TUT4: variants seen among roughly 807,000 people sequenced by gnomAD.
The protein encoded by TUT4 is terminal uridylyl transferase 4, also known as terminal uridylyltransferase 4.
TUT4 carries 36 observed loss-of-function variants against 192.2 expected under a neutral mutation model. The ratio of observed to expected loss-of-function variants is 0.19; its 90% CI spans 0.14 to 0.25. TUT4 has a LOEUF of 0.25. TUT4 is among the 10% of genes least tolerant of loss of function. TUT4 has a pLI of 1.00. For missense variants in TUT4, 1,493 were observed against 1,957.2 expected (o/e 0.76, Z 4.47); for synonymous variants, 618 against 666.0 (o/e 0.93, Z 1.11).
chr1:52,551,314 T>C (rs1689366033), intron 1 of TUT4, among the ~76,000 whole-genome samples: 1 of 152,216 alleles, frequency 6.6e-6, no homozygotes, highest in Non-Finnish European at 1.5e-5. Flanking sequence ...CTTCCATTTC[T>C]GAATTATTTT....
chr1:52,462,699 T>C lies in TUT4; in HGVS notation c.3070-930A>G, dbSNP rs948456884. The C allele has an allele frequency of 9.2e-6, 9 of 980,802 alleles. No homozygotes were observed. The Admixed American group carries it at 4.3e-4, about 47-fold the overall frequency. 60.8% of individuals were successfully genotyped at this position (980,802 alleles called of 1,614,324 possible). A position where few individuals can be genotyped will look rare whatever the true frequency, so the allele number is the denominator to read the frequency against. On this transcript the variant is annotated intron_variant, in intron 16 of 29. Coordinates refer to ENST00000257177, the MANE Select transcript of TUT4 (RefSeq NM_001009881.3). Reference sequence around the variant, plus strand: ...ATCTGTGAGTTATTTATTATAATTATGTTGATATGGAAAAGAAAGATACTC... The same window carrying C: ...ATCTGTGAGTTATTTATTATAATTACGTTGATATGGAAAAGAAAGATACTC...
intron 2 of TUT4, among the ~76,000 whole-genome samples, chr1:52,520,277 ACT>A (rs1334673934): frequency 6.6e-6 from 1 of 152,132 alleles, no homozygotes; most frequent in Non-Finnish European, 1.5e-5. Flanking sequence ...ACTAGCTTTT[ACT>A]CTGATGGATG....
intron 24 of TUT4, among the ~76,000 whole-genome samples, chr1:52,444,641 A>G (rs1656818555): frequency 6.7e-6 from 1 of 148,986 alleles, no homozygotes; most frequent in African/African-American, 2.5e-5. Flanking sequence ...GCACATCTGC[A>G]CTTAATCTAG....
In TUT4 at chr1:52,526,183, G is replaced by A. The variant is rs770083346; in HGVS notation, c.98C>T (p.Thr33Ile). Residue 33 changes from threonine to isoleucine, a missense_variant, in exon 2 of 30, where the codon ACA becomes ATA. Physicochemically the swap from Thr to Ile is moderately conservative, Grantham distance 89. Around this residue, in one of 7 missense-constraint regions of TUT4, gnomAD observed 260 missense variants for 247.8 expected, o/e 1.05. Coordinates refer to ENST00000257177, the MANE Select transcript of TUT4 (RefSeq NM_001009881.3). ...GGATTTATCATTTCTAGCTTTCAAT[G>A]TTTGATTACCTATAACTTGAACTGC... Reference protein sequence around the residue: ...SKAVQVIGNQTLKARNDKSVK... With the variant: ...SKAVQVIGNQILKARNDKSVK... 10 of 1,611,334 alleles carry A rather than the reference G, an allele frequency of 6.2e-6. No individual in the cohort carries two copies. The highest frequency in any genetic ancestry group is 1.3e-5 in the African/African-American group (1 of 74,962).
intron 1 of TUT4, among the ~76,000 whole-genome samples, chr1:52,541,882 G>C (rs746145708): frequency 6.6e-6 from 1 of 152,112 alleles, no homozygotes; most frequent in Non-Finnish European, 1.5e-5. Flanking sequence ...AGCAGAAACA[G>C]GTATTTGAAC....
intron 28 of TUT4, among the ~76,000 whole-genome samples, chr1:52,430,102 G>A (rs1314658685): frequency 1.3e-5 from 2 of 151,582 alleles, no homozygotes; most frequent in African/African-American, 2.4e-5. Context: ...GATGATAGAT[G>A]ATTTATTTCT....
chr1:52,526,099 T>A lies in TUT4; in HGVS notation c.182A>T (p.Asn61Ile), dbSNP rs772097495. ...NRNSSKKNKQ[N>I]DICIEKTEVK... is the part of the protein sequence containing the mutation. ...TTCTGTTTTTTCTATACAAATATCA[T>A]TTTGCTTATTTTTTTTACTACTATT... Residue 61 changes from asparagine to isoleucine, a missense_variant, in exon 2 of 30, where the codon AAT (asparagine) becomes ATT (isoleucine). Physicochemically the swap from Asn to Ile is moderately radical, Grantham distance 149. Around this residue, in one of 7 missense-constraint regions of TUT4, gnomAD observed 260 missense variants for 247.8 expected, o/e 1.05. Transcript: ENST00000257177. 22 of 1,608,830 alleles carry A rather than the reference T, an allele frequency of 1.4e-5. No homozygotes were observed. The Middle Eastern group carries it at 4.9e-4, about 36-fold the overall frequency.
At chr1:52,481,678 T>TAA (rs369545413) in intron 10 of TUT4, 43 bp from the exon 11 acceptor site, 343 of 1,300,904 alleles carry the variant, frequency 2.6e-4, no homozygotes, top group South Asian at 5.1e-4. Context: ...AAAAATTATT[T>TAA]AAAAAAAAAA....
chr1:52,463,050 T>TTTA (rs1446779304), intron 16 of TUT4: 1 of 983,964 alleles, frequency 1.0e-6, no homozygotes, highest in East Asian at 1.1e-4. Flanking sequence ...AATTTTTCTC[T>TTTA]TTATTATTCA....
rs759092003 is a variant in TUT4 at position 52,509,615 on chromosome 1, C to T, written c.980G>A (p.Arg327Gln). Residue 327 changes from arginine (R) to glutamine (Q), a missense_variant, in exon 4 of 30, where the codon CGA (arginine) becomes CAA (glutamine). By Grantham distance (43) the Arg-to-Gln change is conservative (BLOSUM62 1). Around this residue, in one of 7 missense-constraint regions of TUT4, gnomAD observed 437 missense variants for 577.6 expected, o/e 0.76. Coordinates refer to ENST00000257177, the MANE Select transcript of TUT4 (RefSeq NM_001009881.3). ...QGAHKHIKEKRHKKNILEKQE... is the reference protein window; with the variant it reads ...QGAHKHIKEKQHKKNILEKQE... ...ACTTACCAAAATATTTTTCTTATGTCGTTTCTCCTTTATATGTTTATGAGC... is the reference window on the plus strand; with the variant it reads ...ACTTACCAAAATATTTTTCTTATGTTGTTTCTCCTTTATATGTTTATGAGC... 1.9e-6 allele frequency: 3 copies of T among 1,576,834 alleles called. No homozygotes were observed. Among genetic ancestry groups the T allele is most frequent in the South Asian group, 1.2e-5 (1 of 86,526 alleles).
At chr1:52,524,518 C>T (rs1681182806) in intron 2 of TUT4, among the ~76,000 whole-genome samples, 1 of 145,642 alleles carries the variant, frequency 6.9e-6, no homozygotes, top group African/African-American at 2.6e-5. Flanking sequence ...AGCGAGACTC[C>T]ATCTCAAAAA....
intron 13 of TUT4, 145 bp from the exon 14 acceptor site, chr1:52,472,247 T>C (rs1045034330): frequency 4.9e-5 from 43 of 872,674 alleles, no homozygotes; most frequent in Middle Eastern, 3.3e-4. Flanking sequence ...AAACATGTTG[T>C]TAAAATGCAG....
intron 9 of TUT4, among the ~76,000 whole-genome samples, chr1:52,487,418 C>T (rs1670073306): frequency 6.6e-6 from 1 of 152,010 alleles, no homozygotes; most frequent in Admixed American, 6.6e-5. Flanking sequence ...CTCACTCCAG[C>T]ACTAGGTGAC....
chr1:52,514,713 C>T (rs977745046), intron 3 of TUT4: 1 of 151,602 alleles, frequency 6.6e-6, no homozygotes, highest in Admixed American at 6.6e-5. Context: ...GAATGATGAC[C>T]TATTTCCTTG....
intron 14 of TUT4, 156 bp from the exon 15 acceptor site, chr1:52,468,423 G>C (rs1470186889): frequency 3.6e-6 from 2 of 559,714 alleles, no homozygotes; most frequent in Non-Finnish European, 3.0e-6. Flanking sequence ...CTGGGGAAGG[G>C]TCTGGGAGAT....
chr1:52,439,662 A>G (rs1394805345), intron 24 of TUT4, among the ~76,000 whole-genome samples: 1 of 152,218 alleles, frequency 6.6e-6, no homozygotes, highest in East Asian at 1.9e-4. Context: ...AAACTAGAAC[A>G]CATATGTATT....
intron 6 of TUT4, among the ~76,000 whole-genome samples, chr1:52,494,683 T>C (rs549576792): frequency 6.6e-5 from 10 of 152,122 alleles, no homozygotes; most frequent in African/African-American, 2.2e-4. Context: ...CAAAGTGAGG[T>C]TATGTCTCAA....
At chr1:52,457,955 T>C (rs1415799703) in intron 20 of TUT4, among the ~76,000 whole-genome samples, 2 of 152,184 alleles carry the variant, frequency 1.3e-5, no homozygotes, top group Admixed American at 6.6e-5. Context: ...TCAATCTTCA[T>C]TGCCAGGCAA....
At chr1:52,495,139 C>T (rs1226868848) in intron 6 of TUT4, among the ~76,000 whole-genome samples, 4 of 152,164 alleles carry the variant, frequency 2.6e-5, no homozygotes, top group Non-Finnish European at 4.4e-5. Context: ...ACTCTTCCCA[C>T]CTTCTATACT....
Sources: allele counts gnomAD v4.1 joint callset (sites outside exome capture counted in the v4.1 genomes callset), GRCh38; gene constraint gnomAD v4.1.1; regional missense constraint gnomAD v4.1.1; transcripts MANE v1.5; gene names NCBI Gene and HGNC (gene_info 2026-07-23, HGNC 2026-07-21).